Variants in TICRR observed in about 807,000 individuals in gnomAD.
TICRR encodes treslin.
TICRR carries 132 observed loss-of-function variants against 178.1 expected under a neutral mutation model. The observed-to-expected ratio is 0.74, with a 90% CI of 0.64 to 0.86. The LOEUF is 0.86. Among genes scored for constraint, TICRR ranks in the 40% least tolerant of loss-of-function variants. TICRR has a pLI of 0.00. For missense variants in TICRR, 2,587 were observed against 2,334.3 expected (o/e 1.11, Z -2.23); for synonymous variants, 991 against 900.7 (o/e 1.10, Z -1.79).
Position 89,595,537 on chromosome 15 carries a change from A to G in TICRR, c.1826A>G (p.Gln609Arg), listed in dbSNP as rs1962983395. 1 of 1,614,236 alleles carries G rather than the reference A, an allele frequency of 6.2e-7. No homozygotes were observed. The highest frequency in any genetic ancestry group is 2.2e-5 in the East Asian group (1 of 44,884). The change falls in exon 7 of 22, where the codon CAA becomes CGA. Residue 609 changes from glutamine to arginine, a missense_variant. Transcript: ENST00000268138. ...GATGTGGCTGGGGAGAAAGGAATCCAAAAGATACCTAGTGGGAGAACAGTG... is the reference window on the plus strand; with the variant it reads ...GATGTGGCTGGGGAGAAAGGAATCCGAAAGATACCTAGTGGGAGAACAGTG... ...SPDVAGEKGI[Q>R]KIPSGRTVDK...
chr15:89,619,597 AT>A (rs1350341235), intron 17 of TICRR, 110 bp from the exon 18 acceptor site: 1 of 1,179,002 alleles, frequency 8.5e-7, no homozygotes, highest in Non-Finnish European at 1.2e-6. Context: ...AGCTTGCTGA[AT>A]TTCCATCTTA....
chr15:89,618,087 T>A, intron 16 of TICRR, 65 bp from the exon 17 acceptor site: 1 of 1,507,588 alleles, frequency 6.6e-7, no homozygotes, highest in Non-Finnish European at 9.2e-7. Context: ...AGAAGCTGCC[T>A]GTCTCCTTAA....
chr15:89,575,783 G>T lies in TICRR; in HGVS notation c.197G>T (p.Arg66Leu). 6.2e-7 allele frequency: 1 copy of T among 1,607,944 alleles called. No homozygotes were observed. The highest frequency in any genetic ancestry group is 8.5e-7 in the Non-Finnish European group (1 of 1,178,274). Residue 66 changes from arginine (R) to leucine (L), a missense_variant, in exon 1 of 22, where the codon CGC becomes CTC. Physicochemically the swap from Arg to Leu is moderately radical, Grantham distance 102 (BLOSUM62 -2). Transcript: ENST00000268138. ...CGGCCGTCCCGCGTGTCTGACTTCCGCGAGCTGGGGTCCCGCTCGTGGGAG... is the reference window on the plus strand; with the variant it reads ...CGGCCGTCCCGCGTGTCTGACTTCCTCGAGCTGGGGTCCCGCTCGTGGGAG... ...RSRPSRVSDF[R>L]ELGSRSWEDF... is the part of the protein sequence containing the mutation.
In TICRR at chr15:89,624,921, G is replaced by C. The variant is rs143738923; in HGVS notation, c.4611G>C (p.Ser1537=). ...CAGATGGGAGACAGTGCCAGGCTTC[G>C]GCACAACTAGACAACCTGCCAGCAT... The part of the protein sequence containing the change: ...CTTDGRQCQA[S]AQLDNLPASA... The change falls in exon 20 of 22, where the codon TCG becomes TCC. Residue 1537 remains serine (S), a synonymous_variant. Coordinates refer to ENST00000268138, the MANE Select transcript of TICRR (RefSeq NM_152259.4). The C allele has an allele frequency of 1.2e-6, 2 of 1,613,916 alleles. No homozygotes were observed. Among genetic ancestry groups the C allele is most frequent in the Admixed American group, 3.3e-5 (2 of 60,006 alleles).
At chr15:89,598,257 G>A (rs1174929802) in intron 7 of TICRR, among the ~76,000 whole-genome samples, 1 of 152,070 alleles carries the variant, frequency 6.6e-6, no homozygotes, top group Non-Finnish European at 1.5e-5. Flanking sequence ...ACAGGCGTGA[G>A]CCACCACACC....
At chr15:89,603,506 G>C (rs1173445492) in intron 13 of TICRR, among the ~76,000 whole-genome samples, 1 of 152,312 alleles carries the variant, frequency 6.6e-6, no homozygotes, top group East Asian at 1.9e-4. Flanking sequence ...GATTGCTTGA[G>C]CCCAGTAGGT....
intron 7 of TICRR, among the ~76,000 whole-genome samples, chr15:89,597,901 T>G (rs1465113001): frequency 6.6e-6 from 1 of 152,250 alleles, no homozygotes. Flanking sequence ...TCTTTGATTT[T>G]GTTCACAGAA....
intron 16 of TICRR, among the ~76,000 whole-genome samples, chr15:89,617,155 A>G (rs1255802771): frequency 6.6e-6 from 1 of 152,152 alleles, no homozygotes; most frequent in Non-Finnish European, 1.5e-5. Context: ...TGCTCATTGT[A>G]TAGATAATGT....
At chr15:89,600,814 G>A (rs570729461) in intron 9 of TICRR, 129 bp downstream of exon 9, 1 of 512,072 alleles carries the variant, frequency 2.0e-6, no homozygotes, top group South Asian at 3.8e-5. Flanking sequence ...GGAAGCCAAA[G>A]CAGGAGGATT....
chr15:89,605,422 G>A (rs2141968403), intron 13 of TICRR, among the ~76,000 whole-genome samples: 1 of 152,286 alleles, frequency 6.6e-6, no homozygotes, highest in South Asian at 2.1e-4. Context: ...AGGCTGGAGT[G>A]CAGTGGCACG....
In TICRR at chr15:89,595,591, TAAGAAGTTCTA is replaced by T; in HGVS notation, c.1883_1893del (p.Arg628ThrfsTer2). 1 of 1,613,788 alleles carries T rather than the reference TAAGAAGTTCTA, an allele frequency of 6.2e-7. No individual in the cohort carries two copies. The highest frequency in any genetic ancestry group is 8.5e-7 in the Non-Finnish European group (1 of 1,179,734). On this transcript the variant is annotated frameshift_variant, in exon 7 of 22. Coordinates refer to ENST00000268138, the MANE Select transcript of TICRR (RefSeq NM_152259.4). LOFTEE classifies it high-confidence loss of function. ...AAATTGGAAGACAGAGGAAGAACAC[TAAGAAGTTCTA>T]AACCTAAAGGTATTCCTCTTAGTCT...
chr15:89,601,298 G>A lies in TICRR; in HGVS notation c.2154G>A (p.Glu718=), dbSNP rs200805300. The A allele has an allele frequency of 1.9e-6, 3 of 1,613,122 alleles. No individual in the cohort carries two copies. Residue 718 remains glutamate (E), a splice_region_variant and synonymous_variant, in exon 10 of 22, where the codon GAG becomes GAA. Transcript: ENST00000268138. ...KKLDKEDKVR[E]CQLQVFLRLE... is the part of the protein sequence containing the mutation. Reference sequence around the variant, plus strand: ...TGACCAAGTATTTTTTTCTCTCAAGGTGCCAGCTTCAGGTATTTCTTCGTT... The same window carrying A: ...TGACCAAGTATTTTTTTCTCTCAAGATGCCAGCTTCAGGTATTTCTTCGTT...
chr15:89,626,507 A>G (rs557944288), intron 21 of TICRR, among the ~76,000 whole-genome samples: 38 of 152,214 alleles, frequency 2.5e-4, no homozygotes, highest in Admixed American at 2.2e-3. Flanking sequence ...TCCCCTTCCA[A>G]ATCCTATTCC....
intron 18 of TICRR, among the ~76,000 whole-genome samples, chr15:89,620,511 T>C (rs1262746513): frequency 6.6e-6 from 1 of 152,052 alleles, no homozygotes; most frequent in East Asian, 1.9e-4. Flanking sequence ...CCCAGCCAGA[T>C]ATGTGTTTTT....
At chr15:89,585,415 G>T (rs955797632) in intron 3 of TICRR, among the ~76,000 whole-genome samples, 1 of 152,166 alleles carries the variant, frequency 6.6e-6, no homozygotes, top group African/African-American at 2.4e-5. Flanking sequence ...TTTATAAAAT[G>T]GGGATAATAA....
intron 17 of TICRR, 59 bp downstream of exon 17, chr15:89,618,269 C>G: frequency 6.7e-7 from 1 of 1,486,180 alleles, no homozygotes; most frequent in Non-Finnish European, 9.4e-7. Context: ...GAAAACCTTT[C>G]TGTATGTATT....
intron 4 of TICRR, among the ~76,000 whole-genome samples, chr15:89,586,814 G>T (rs937226643): frequency 7.2e-5 from 11 of 152,160 alleles, no homozygotes; most frequent in East Asian, 1.9e-4. Context: ...AGAGTAGGAG[G>T]GGGTGAGGTC....
In TICRR at chr15:89,625,553, A is replaced by T. The variant is rs1219933301; in HGVS notation, c.5243A>T (p.Asp1748Val). ...FELEGVCQLP[D>V]QSPPRNSMPK... ...CTCGAGGGAGTGTGCCAGCTCCCAG[A>T]CCAGTCGCCTCCCAGGAACAGCATG... Residue 1748 changes from aspartate to valine, a missense_variant, in exon 20 of 22, where the codon GAC becomes GTC. Asp to Val is a radical substitution (Grantham distance 152). Transcript: ENST00000268138. 18 of 1,613,166 alleles carry T rather than the reference A, an allele frequency of 1.1e-5. No homozygotes were observed. Among genetic ancestry groups the T allele is most frequent in the Non-Finnish European group, 1.4e-5 (17 of 1,180,006 alleles).
chr15:89,619,958 G>GGT, intron 18 of TICRR, 116 bp downstream of exon 18: 1 of 1,289,734 alleles, frequency 7.8e-7, no homozygotes, highest in Non-Finnish European at 1.1e-6. Context: ...AAGTAGAATA[G>GGT]GTATGTCTAG....
Sources: allele counts gnomAD v4.1 joint callset (sites outside exome capture counted in the v4.1 genomes callset), GRCh38; gene constraint gnomAD v4.1.1; transcripts MANE v1.5; gene names NCBI Gene and HGNC (gene_info 2026-07-23, HGNC 2026-07-21).